SH3PXD2B: variants seen among roughly 807,000 people sequenced by gnomAD.
SH3PXD2B encodes the protein SH3 and PX domains 2B.
Under a neutral mutation model 73.1 loss-of-function variants are expected in SH3PXD2B, and 37 were observed. That is an observed-to-expected ratio of 0.51 (90% CI 0.39 to 0.67). The LOEUF is 0.67. Among genes scored for constraint, SH3PXD2B ranks in the 30% least tolerant of loss-of-function variants. SH3PXD2B has a pLI of 0.00. For missense variants in SH3PXD2B, 1,053 were observed against 1,197.8 expected (o/e 0.88, Z 1.78); for synonymous variants, 457 against 480.5 (o/e 0.95, Z 0.64).
intron 12 of SH3PXD2B, among the ~76,000 whole-genome samples, chr5:172,326,571 T>C (rs1756450488): frequency 6.6e-6 from 1 of 152,208 alleles, no homozygotes; most frequent in South Asian, 2.1e-4. Flanking sequence ...TCCATAAACA[T>C]ACTTTGGAAA....
At chr5:172,325,322 A>G (rs1328457016) in exon 13 of SH3PXD2B, 1 of 1,535,578 alleles carries the variant, frequency 6.5e-7, no homozygotes, top group Admixed American at 2.0e-5. Context: ...TGCTGTCCGC[A>G]TCTTGATTCT....
At chr5:172,403,013 C>T (rs1197932814) in intron 3 of SH3PXD2B, among the ~76,000 whole-genome samples, 1 of 152,246 alleles carries the variant, frequency 6.6e-6, no homozygotes, top group Non-Finnish European at 1.5e-5. Flanking sequence ...GAGCCAGCAC[C>T]TCCTTGGCCA....
Position 172,333,605 on chromosome 5 carries a change from G to C in SH3PXD2B, c.*4764C>G. 1 of 1,281,146 alleles carries C rather than the reference G, an allele frequency of 7.8e-7. No homozygotes were observed. The highest frequency in any genetic ancestry group is 1.0e-6 in the Non-Finnish European group (1 of 986,310). The allele number at this position is 1,281,146 out of a possible 1,614,324, so 79.4% of individuals were successfully genotyped here. A position where few individuals can be genotyped will look rare whatever the true frequency, so the allele number is the denominator to read the frequency against. ...TAGCCTACACATGCTACAGCTAGTT[G>C]TTCTCACCCCTCCCCTCACATCCTA... On this transcript the variant is annotated 3_prime_UTR_variant, in exon 13 of 13. Coordinates refer to ENST00000311601, the MANE Select transcript of SH3PXD2B (RefSeq NM_001017995.3).
At chr5:172,351,053 T>A (rs1581267727) in intron 9 of SH3PXD2B, among the ~76,000 whole-genome samples, 1 of 152,120 alleles carries the variant, frequency 6.6e-6, no homozygotes, top group African/African-American at 2.4e-5. Flanking sequence ...AACCGCAGAG[T>A]GATCGAGACC....
chr5:172,431,491 T>C (rs1759238703), intron 1 of SH3PXD2B, among the ~76,000 whole-genome samples: 1 of 152,256 alleles, frequency 6.6e-6, no homozygotes. Context: ...GCCTGGGCCT[T>C]TCAGCTAATT....
At chr5:172,362,712 A>G (rs1345494306) in intron 7 of SH3PXD2B, 23 bp downstream of exon 7, 1 of 1,613,864 alleles carries the variant, frequency 6.2e-7, no homozygotes, top group East Asian at 2.2e-5. Flanking sequence ...GTAGTGGGAG[A>G]GGGAGATGGT....
Position 172,358,892 on chromosome 5 carries a change from G to A in SH3PXD2B, c.563-15C>T, listed in dbSNP as rs1177008616. The stretch of plus-strand genomic sequence containing the variant: ...GAACCACCAACCTGGGGAAGCAAGA[G>A]TGCAGAATGATGTTAGTTGCATCAA... On this transcript the variant is annotated splice_polypyrimidine_tract_variant and intron_variant, in intron 7 of 12. Transcript: ENST00000311601. 1.2e-6 allele frequency: 2 copies of A among 1,611,704 alleles called. No homozygotes were observed. The highest frequency in any genetic ancestry group is 1.7e-6 in the Non-Finnish European group (2 of 1,178,594).
Position 172,350,626 on chromosome 5 carries a change from G to C in SH3PXD2B, c.786-37C>G, listed in dbSNP as rs574795295. ...AGGAAGGATGCTGTCAAACTGCTCC[G>C]CCAGGCCCAAGGGAAGAAGCCTTGC... On this transcript the variant is annotated intron_variant, in intron 9 of 12. Coordinates refer to ENST00000311601, the MANE Select transcript of SH3PXD2B (RefSeq NM_001017995.3). 184 of 1,553,622 alleles carry C rather than the reference G, an allele frequency of 1.2e-4. 1 individual carries two copies. Among genetic ancestry groups the C allele is most frequent in the Non-Finnish European group, 1.6e-4 (180 of 1,144,694 alleles).
At chr5:172,377,128 G>T (rs1757838418) in intron 5 of SH3PXD2B, among the ~76,000 whole-genome samples, 1 of 152,168 alleles carries the variant, frequency 6.6e-6, no homozygotes, top group East Asian at 1.9e-4. Context: ...GCAGAGGAGT[G>T]GGGGCGGCAG....
At position 172,334,723 on chromosome 5, in the gene SH3PXD2B, C is replaced by T; in HGVS notation, c.*3646G>A. ...CAGGAGCAGTTTCTTCTTTTTCCCACTCTGTGCTGGGTACTTGGGAGAGGC... is the reference window on the plus strand; with the variant it reads ...CAGGAGCAGTTTCTTCTTTTTCCCATTCTGTGCTGGGTACTTGGGAGAGGC... On this transcript the variant is annotated 3_prime_UTR_variant, in exon 13 of 13. Transcript: ENST00000311601. 1.0e-6 allele frequency: 1 copy of T among 985,490 alleles called. No individual in the cohort carries two copies. The highest frequency in any genetic ancestry group is 1.2e-6 in the Non-Finnish European group (1 of 829,978). 61.0% of individuals were successfully genotyped at this position (985,490 alleles called of 1,614,324 possible). A position where few individuals can be genotyped will look rare whatever the true frequency, so the allele number is the denominator to read the frequency against.
At position 172,368,651 on chromosome 5, in the gene SH3PXD2B, A is replaced by T. The variant is rs867885039; in HGVS notation, c.427+5139T>A. Among the ~76,000 whole-genome samples, 85 of 22,514 alleles carry T rather than the reference A, an allele frequency of 3.8e-3. 8 individuals carry two copies. The highest frequency in any genetic ancestry group is 0.019 in the Admixed American group (19 of 994). 14.8% of individuals were successfully genotyped at this position (22,514 alleles called of 152,430 possible). A position where few individuals can be genotyped will look rare whatever the true frequency, so the allele number is the denominator to read the frequency against. On this transcript the variant is annotated intron_variant, in intron 6 of 12. Coordinates refer to ENST00000311601, the MANE Select transcript of SH3PXD2B (RefSeq NM_001017995.3). The stretch of plus-strand genomic sequence containing the variant: ...ATATAATATATATGTTATATATATA[A>T]AATATATATATTATATATATATAAA...
chr5:172,349,526 T>TG (rs1757110989), intron 10 of SH3PXD2B, among the ~76,000 whole-genome samples: 2 of 152,132 alleles, frequency 1.3e-5, no homozygotes, highest in Admixed American at 6.5e-5. Flanking sequence ...GGCACTGTGT[T>TG]GGAGTAGAGC....
In SH3PXD2B at chr5:172,393,667, T is replaced by C. The variant is rs534900973; in HGVS notation, c.309+896A>G. Among the ~76,000 whole-genome samples the C allele has an allele frequency of 2.6e-5, 4 of 152,316 alleles. No homozygotes were observed. The East Asian group carries it at 7.7e-4, about 29-fold the overall frequency. On this transcript the variant is annotated intron_variant, in intron 4 of 12. Transcript: ENST00000311601. ...GTTCACTGCTCCATTTAAAAAACATTTCTTGCTATTCCTACCCCTCTCCCA... is the reference window on the plus strand; with the variant it reads ...GTTCACTGCTCCATTTAAAAAACATCTCTTGCTATTCCTACCCCTCTCCCA...
intron 6 of SH3PXD2B, among the ~76,000 whole-genome samples, chr5:172,371,877 C>T (rs1757713563): frequency 6.6e-6 from 1 of 152,260 alleles, no homozygotes; most frequent in Admixed American, 6.5e-5. Context: ...CCTCTTCTCT[C>T]TGCTCTTTTC....
chr5:172,383,619 A>G (rs536797576), intron 4 of SH3PXD2B, among the ~76,000 whole-genome samples: 76 of 152,286 alleles, frequency 5.0e-4, no homozygotes, highest in African/African-American at 1.7e-3. Context: ...TCACGCATAC[A>G]TTTTGTTGCA....
chr5:172,369,055 T>C (rs953452855), intron 6 of SH3PXD2B, among the ~76,000 whole-genome samples: 2 of 150,332 alleles, frequency 1.3e-5, no homozygotes, highest in African/African-American at 4.9e-5. Context: ...CCACCATGCC[T>C]GGCTAATTTT....
At chr5:172,377,072 G>A (rs1757837259) in intron 5 of SH3PXD2B, among the ~76,000 whole-genome samples, 1 of 152,208 alleles carries the variant, frequency 6.6e-6, no homozygotes, top group African/African-American at 2.4e-5. Context: ...TTAAGACCCG[G>A]GCTCCTGCTG....
At chr5:172,418,152 G>C (rs940505698) in intron 2 of SH3PXD2B, among the ~76,000 whole-genome samples, 22 of 152,340 alleles carry the variant, frequency 1.4e-4, no homozygotes, top group Admixed American at 1.2e-3. Context: ...CTCACTAGCT[G>C]TGTGACTTCG....
rs771229565 is a variant in SH3PXD2B at position 172,334,575 on chromosome 5, A to G, written c.*3794T>C. 32 of 985,428 alleles carry G rather than the reference A, an allele frequency of 3.2e-5. No individual in the cohort carries two copies. Among genetic ancestry groups the G allele is most frequent in the Non-Finnish European group, 3.9e-5 (32 of 830,014 alleles). The allele number at this position is 985,428 out of a possible 1,614,324, so 61.0% of individuals were successfully genotyped here. On this transcript the variant is annotated 3_prime_UTR_variant, in exon 13 of 13. Coordinates refer to ENST00000311601, the MANE Select transcript of SH3PXD2B (RefSeq NM_001017995.3). ...AGGTGTCCACTGTCACAGTCCAAAG[A>G]GAAAGGTACGGCCTCCAAGGGGGCA...
Sources: gnomAD v4.1 joint callset for allele counts (sites outside exome capture counted in the v4.1 genomes callset) on GRCh38, gnomAD v4.1.1 for gene constraint, MANE v1.5 for transcripts, NCBI Gene and HGNC (gene_info 2026-07-23, HGNC 2026-07-21) for gene names.